RBFOX3: variants seen among roughly 807,000 people sequenced by gnomAD.
The protein encoded by RBFOX3 is RNA binding fox-1 homolog 3.
In RBFOX3, 17 loss-of-function variants were observed where a neutral mutation model predicts 48.7. The observed-to-expected ratio is 0.35, with a 90% CI of 0.24 to 0.52. The LOEUF is 0.52. RBFOX3 is among the 20% of genes least tolerant of loss of function. RBFOX3 has a pLI of 0.94. For missense variants in RBFOX3, 382 were observed against 497.5 expected (o/e 0.77, Z 2.21); for synonymous variants, 212 against 209.5 (o/e 1.01, Z -0.10).
chr17:79,302,413 C>T (rs1392772902), intron 3 of RBFOX3, among the ~76,000 whole-genome samples: 1 of 152,192 alleles, frequency 6.6e-6, no homozygotes, highest in Admixed American at 6.5e-5. Flanking sequence ...GGTGTGGTGG[C>T]TCACACCTGT....
At chr17:79,512,481 A>G (rs1287265681) in intron 1 of RBFOX3, among the ~76,000 whole-genome samples, 1 of 110,646 alleles carries the variant, frequency 9.0e-6, no homozygotes, top group Non-Finnish European at 1.8e-5. Context: ...CCGGATACAT[A>G]TTACCATCGA....
At chr17:79,359,585 C>G (rs1336070648) in intron 2 of RBFOX3, among the ~76,000 whole-genome samples, 2 of 152,124 alleles carry the variant, frequency 1.3e-5, no homozygotes, top group African/African-American at 4.8e-5. Context: ...TTAGCAGACA[C>G]TCCTTGGAAG....
At chr17:79,160,232 A>G (rs1470193334) in intron 4 of RBFOX3, among the ~76,000 whole-genome samples, 1 of 146,572 alleles carries the variant, frequency 6.8e-6, no homozygotes, top group African/African-American at 2.7e-5. Flanking sequence ...GGGGCGATGC[A>G]GGTGGCCTGG....
intron 1 of RBFOX3, among the ~76,000 whole-genome samples, chr17:79,498,985 C>G (rs2082016701): frequency 6.6e-6 from 1 of 151,828 alleles, no homozygotes; most frequent in Non-Finnish European, 1.5e-5. Context: ...TCCACCTACC[C>G]ATCCACTTAC....
chr17:79,488,564 G>A (rs1005620236), intron 1 of RBFOX3, among the ~76,000 whole-genome samples: 3 of 152,312 alleles, frequency 2.0e-5, no homozygotes, highest in South Asian at 2.1e-4. Context: ...AGCAGGACCC[G>A]CAGGCCTGGG....
chr17:79,478,220 G>A (rs889014103), intron 2 of RBFOX3, among the ~76,000 whole-genome samples: 13 of 152,206 alleles, frequency 8.5e-5, no homozygotes, highest in African/African-American at 1.9e-4. Flanking sequence ...AGAGACGGGC[G>A]TGATGGATGA....
At chr17:79,558,767 G>T (rs1292507110) in intron 1 of RBFOX3, among the ~76,000 whole-genome samples, 8 of 152,138 alleles carry the variant, frequency 5.3e-5, no homozygotes, top group Admixed American at 4.6e-4. Flanking sequence ...GGGCCTGCGG[G>T]GAGCAGGAGG....
intron 1 of RBFOX3, among the ~76,000 whole-genome samples, chr17:79,526,334 G>A (rs1266070815): frequency 1.3e-5 from 2 of 152,226 alleles, no homozygotes; most frequent in Admixed American, 6.5e-5. Context: ...CCTCATCTAC[G>A]AAACGGGACC....
intron 2 of RBFOX3, among the ~76,000 whole-genome samples, chr17:79,440,054 AG>A (rs2070529330): frequency 1.3e-5 from 2 of 152,114 alleles, no homozygotes; most frequent in African/African-American, 4.8e-5. Context: ...CCCGGGCCAG[AG>A]GGCACTTGGG....
chr17:79,522,063 AG>A (rs1196997109), intron 1 of RBFOX3, among the ~76,000 whole-genome samples: 1 of 152,138 alleles, frequency 6.6e-6, no homozygotes, highest in Admixed American at 6.5e-5. Flanking sequence ...GCCACACTGG[AG>A]GGGAGACCCT....
chr17:79,337,133 T>G (rs2081318529), intron 2 of RBFOX3, among the ~76,000 whole-genome samples: 2 of 151,978 alleles, frequency 1.3e-5, no homozygotes, highest in South Asian at 2.1e-4. Flanking sequence ...ATAAAAAAGG[T>G]GAGTGCTCTT....
chr17:79,114,522 C>T (rs1198464874), intron 5 of RBFOX3, among the ~76,000 whole-genome samples: 1 of 152,224 alleles, frequency 6.6e-6, no homozygotes, highest in Non-Finnish European at 1.5e-5. Context: ...CCCACACATG[C>T]ACCGGGGGAA....
At chr17:79,323,808 G>A (rs1179434717) in intron 2 of RBFOX3, among the ~76,000 whole-genome samples, 3 of 152,254 alleles carry the variant, frequency 2.0e-5, no homozygotes, top group South Asian at 2.1e-4. Context: ...ATGCGAGCCC[G>A]CAGTGAGGGT....
At chr17:79,144,638 T>C (rs1599655139) in intron 4 of RBFOX3, among the ~76,000 whole-genome samples, 1 of 152,052 alleles carries the variant, frequency 6.6e-6, no homozygotes, top group African/African-American at 2.4e-5. Flanking sequence ...GAAGCACCCC[T>C]CTCCCGGCCC....
At chr17:79,601,241 A>C (rs2093698617) in intron 1 of RBFOX3, 1 of 152,216 alleles carries the variant, frequency 6.6e-6, no homozygotes, top group African/African-American at 2.4e-5. Flanking sequence ...TCACAGCCCC[A>C]AAAGGAGCCC....
intron 4 of RBFOX3, among the ~76,000 whole-genome samples, chr17:79,124,161 T>G (rs921286170): frequency 6.6e-6 from 1 of 152,182 alleles, no homozygotes; most frequent in Non-Finnish European, 1.5e-5. Flanking sequence ...GAGTCTGAAA[T>G]CAGCCCTGGT....
chr17:79,354,436 G>T (rs2084569216), intron 2 of RBFOX3, among the ~76,000 whole-genome samples: 1 of 152,238 alleles, frequency 6.6e-6, no homozygotes, highest in South Asian at 2.1e-4. Context: ...GGGAGCATCT[G>T]CCTGGAGCAG....
chr17:79,292,819 GA>G (rs34382374), intron 3 of RBFOX3, among the ~76,000 whole-genome samples: 33,785 of 151,980 alleles, frequency 0.22, 3,840 homozygotes, highest in Middle Eastern at 0.32. Context: ...GCATTTGGGG[GA>G]AAAAATCACC....
the RBFOX3 span, among the ~76,000 whole-genome samples, chr17:79,655,325 C>A: frequency 9.7e-4 from 148 of 152,294 alleles, no homozygotes; most frequent in African/African-American, 3.3e-3. Context: ...GACCAGGTGA[C>A]CTTGAGGCTG....
Sources: gnomAD v4.1 joint callset for allele counts (sites outside exome capture counted in the v4.1 genomes callset) on GRCh38, gnomAD v4.1.1 for gene constraint, MANE v1.5 for transcripts, NCBI Gene and HGNC (gene_info 2026-07-23, HGNC 2026-07-21) for gene names.